Variants in ENTPD1 observed in about 807,000 individuals in gnomAD.
ENTPD1 encodes ATP diphosphohydrolase.
A neutral mutation model predicts 57.0 loss-of-function variants in ENTPD1; 33 were observed. The ratio of observed to expected loss-of-function variants is 0.58; its 90% CI spans 0.44 to 0.77. ENTPD1 has a LOEUF of 0.77. Among genes scored for constraint, ENTPD1 ranks in the 30% least tolerant of loss-of-function variants. The probability of loss-of-function intolerance (pLI) is 0.00; values close to 1 mark genes in which losing one functional copy is unlikely to be tolerated. For missense variants in ENTPD1, 501 were observed against 603.4 expected (o/e 0.83, Z 1.78); for synonymous variants, 202 against 218.8 (o/e 0.92, Z 0.68).
At chr10:95,742,426 C>G (rs1032531909) in intron 1 of ENTPD1, among the ~76,000 whole-genome samples, 3 of 152,046 alleles carry the variant, frequency 2.0e-5, no homozygotes, top group Non-Finnish European at 4.4e-5. Flanking sequence ...CTGTCCTCCC[C>G]CTAGAGTTGC....
intron 1 of ENTPD1, among the ~76,000 whole-genome samples, chr10:95,813,648 G>A (rs60144080): frequency 0.073 from 11,173 of 152,196 alleles, 454 homozygotes; most frequent in African/African-American, 0.097. Flanking sequence ...GGCCGAGAAC[G>A]CAGTTTTCAA....
intron 2 of ENTPD1, among the ~76,000 whole-genome samples, chr10:95,824,150 A>G (rs932425298): frequency 4.6e-5 from 7 of 152,242 alleles, no homozygotes. Flanking sequence ...AATTTATACT[A>G]TAAATACACC....
intron 2 of ENTPD1, chr10:95,839,324 T>G: frequency 6.6e-6 from 2 of 303,754 alleles, no homozygotes; most frequent in Non-Finnish European, 6.4e-6. Context: ...TGTAGACAAG[T>G]TTGGGGACTA....
At chr10:95,708,121 A>G (rs2097963243), upstream of ENTPD1, among the ~76,000 whole-genome samples, 1 of 152,136 alleles carries the variant, frequency 6.6e-6, no homozygotes, top group African/African-American at 2.4e-5. Flanking sequence ...CCTTTTTTGG[A>G]GGGCCATAGG....
At chr10:95,808,277 T>A (rs938228787) in intron 1 of ENTPD1, among the ~76,000 whole-genome samples, 5 of 152,220 alleles carry the variant, frequency 3.3e-5, no homozygotes, top group African/African-American at 1.2e-4. Flanking sequence ...GCTACTTGAT[T>A]GTGGTGGATA....
chr10:95,869,485 G>C lies in ENTPD1; in HGVS notation c.*3102G>C. ...GGCTGGTCTCCAACTCCCAATCTCAGGTGATCCTATTGCCTCGGGCTCCCA... is the reference window on the plus strand; with the variant it reads ...GGCTGGTCTCCAACTCCCAATCTCACGTGATCCTATTGCCTCGGGCTCCCA... On this transcript the variant is annotated 3_prime_UTR_variant, in exon 10 of 10. Transcript: ENST00000371205. The C allele has an allele frequency of 2.2e-6, 2 of 914,626 alleles. No homozygotes were observed. The highest frequency in any genetic ancestry group is 2.6e-6 in the Non-Finnish European group (2 of 765,776). The allele number at this position is 914,626 out of a possible 1,614,324, so 56.7% of individuals were successfully genotyped here. A position where few individuals can be genotyped will look rare whatever the true frequency, so the allele number is the denominator to read the frequency against.
intron 1 of ENTPD1, among the ~76,000 whole-genome samples, chr10:95,788,966 C>T (rs530194092): frequency 2.0e-5 from 3 of 152,234 alleles, no homozygotes; most frequent in African/African-American, 7.2e-5. Context: ...GACTAAATAT[C>T]TGTTGGCGAT....
Position 95,875,981 on chromosome 10 carries a change from T to C in ENTPD1, c.*9598T>C, listed in dbSNP as rs1019625931. On this transcript the variant is annotated 3_prime_UTR_variant, in exon 10 of 10. Coordinates refer to ENST00000371205, the MANE Select transcript of ENTPD1 (RefSeq NM_001776.6). ...AAACCATATCAATGATTTTGTACTT[T>C]AACCAGCTGAATGGAAGTACAATCT... 2 of 985,312 alleles carry C rather than the reference T, an allele frequency of 2.0e-6. No individual in the cohort carries two copies. Among genetic ancestry groups the C allele is most frequent in the African/African-American group, 3.5e-5 (2 of 57,230 alleles). The allele number at this position is 985,312 out of a possible 1,614,324, so 61.0% of individuals were successfully genotyped here. A position where few individuals can be genotyped will look rare whatever the true frequency, so the allele number is the denominator to read the frequency against.
At chr10:95,764,883 C>T (rs768710892) in intron 1 of ENTPD1, among the ~76,000 whole-genome samples, 24 of 152,008 alleles carry the variant, frequency 1.6e-4, no homozygotes, top group Middle Eastern at 3.4e-3. Context: ...CCACCACACC[C>T]GGCTAATTTT....
intron 1 of ENTPD1, among the ~76,000 whole-genome samples, chr10:95,785,719 C>T (rs2098176996): frequency 6.6e-6 from 1 of 152,192 alleles, no homozygotes; most frequent in Non-Finnish European, 1.5e-5. Context: ...AGCTTAGAAT[C>T]CCTGGAGTCA....
In ENTPD1 at chr10:95,873,539, T is replaced by C. The variant is rs888922595; in HGVS notation, c.*7156T>C. 1 of 985,346 alleles carries C rather than the reference T, an allele frequency of 1.0e-6. No homozygotes were observed. The allele number at this position is 985,346 out of a possible 1,614,324, so 61.0% of individuals were successfully genotyped here. On this transcript the variant is annotated 3_prime_UTR_variant, in exon 10 of 10. Coordinates refer to ENST00000371205, the MANE Select transcript of ENTPD1 (RefSeq NM_001776.6). Reference sequence around the variant, plus strand: ...GTAGAGGCCCATAGGAAAGAGTAGGTAGGTTATGCCAGCTCACACGCATCC... The same window carrying C: ...GTAGAGGCCCATAGGAAAGAGTAGGCAGGTTATGCCAGCTCACACGCATCC...
the ENTPD1 span, among the ~76,000 whole-genome samples, chr10:95,697,087 G>C: frequency 5.3e-5 from 8 of 152,208 alleles, no homozygotes; most frequent in Non-Finnish European, 1.0e-4. Flanking sequence ...ACAAACAACA[G>C]TTGCATAATA....
At chr10:95,803,960 A>C (rs1386904530) in intron 1 of ENTPD1, among the ~76,000 whole-genome samples, 2 of 152,196 alleles carry the variant, frequency 1.3e-5, no homozygotes, top group African/African-American at 4.8e-5. Flanking sequence ...TAAATAGGGA[A>C]TCCTTTCCTC....
chr10:95,804,324 G>C (rs530134898), intron 1 of ENTPD1, among the ~76,000 whole-genome samples: 1 of 152,190 alleles, frequency 6.6e-6, no homozygotes, highest in Non-Finnish European at 1.5e-5. Context: ...CATGAGCATG[G>C]AATGCTCTTC....
At chr10:95,842,840 A>C (rs1453369514) in intron 4 of ENTPD1, among the ~76,000 whole-genome samples, 1 of 152,090 alleles carries the variant, frequency 6.6e-6, no homozygotes. Context: ...ATAAGAGGAG[A>C]CTCATAGACA....
chr10:95,778,739 C>T (rs1229506010), intron 1 of ENTPD1, among the ~76,000 whole-genome samples: 1 of 151,978 alleles, frequency 6.6e-6, no homozygotes, highest in Admixed American at 6.6e-5. Context: ...GCAATATTTT[C>T]TCCTCTCTCT....
chr10:95,805,696 A>C (rs948986443), intron 1 of ENTPD1, among the ~76,000 whole-genome samples: 1 of 152,164 alleles, frequency 6.6e-6, no homozygotes, highest in Non-Finnish European at 1.5e-5. Flanking sequence ...GTGGTGACAA[A>C]ATCTCTCAGT....
At position 95,844,503 on chromosome 10, in the gene ENTPD1, G is replaced by T. The variant is rs142431233; in HGVS notation, c.441G>T (p.Arg147Ser). ...TGGAAAGTGAAGAGTTGGCAGACAG[G>T]GTTCTGGATGTGGTGGAGAGGAGCC... ...LRMESEELAD[R>S]VLDVVERSLS... Residue 147 changes from arginine (R) to serine (S), a missense_variant, in exon 5 of 10, where the codon AGG (arginine) becomes AGT (serine). Coordinates refer to ENST00000371205, the MANE Select transcript of ENTPD1 (RefSeq NM_001776.6). The T allele has an allele frequency of 6.2e-7, 1 of 1,614,054 alleles. No homozygotes were observed. The highest frequency in any genetic ancestry group is 1.3e-5 in the African/African-American group (1 of 74,918).
intron 1 of ENTPD1, among the ~76,000 whole-genome samples, chr10:95,786,769 T>G (rs2098181668): frequency 6.6e-6 from 1 of 152,234 alleles, no homozygotes; most frequent in Non-Finnish European, 1.5e-5. Flanking sequence ...CAACACCATT[T>G]ATAAATATAA....
Sources: gnomAD v4.1 joint callset for allele counts (sites outside exome capture counted in the v4.1 genomes callset) on GRCh38, gnomAD v4.1.1 for gene constraint, MANE v1.5 for transcripts, NCBI Gene and HGNC (gene_info 2026-07-23, HGNC 2026-07-21) for gene names.